Variants in SP4 observed in about 807,000 individuals in gnomAD.
SP4 encodes Sp4 transcription factor.
SP4 carries 19 observed loss-of-function variants against 72.8 expected under a neutral mutation model. That is an observed-to-expected ratio of 0.26 (90% CI 0.18 to 0.38). SP4 has a LOEUF of 0.38. Ranked by LOEUF, SP4 falls within the 10% of genes least tolerant of loss-of-function variation. The pLI is 1.00. For synonymous variants in SP4, 395 were observed against 333.1 expected, an observed-to-expected ratio of 1.19 and a Z score of -2.02; for missense variants, 1,008 against 926.3, an observed-to-expected ratio of 1.09 and a Z score of -1.14.
At chr7:21,441,829 T>C (rs1191473377) in intron 3 of SP4, among the ~76,000 whole-genome samples, 1 of 152,124 alleles carries the variant, frequency 6.6e-6, no homozygotes, top group African/African-American at 2.4e-5. Context: ...TGGTTTGTTC[T>C]TTTCCCCTGC....
At chr7:21,460,942 A>G (rs1441238679) in intron 3 of SP4, among the ~76,000 whole-genome samples, 3 of 152,006 alleles carry the variant, frequency 2.0e-5, no homozygotes, top group Middle Eastern at 3.4e-3. Context: ...AGATTCTCCA[A>G]GTCCCCACCA....
At chr7:21,435,681 A>G (rs988957597) in intron 3 of SP4, among the ~76,000 whole-genome samples, 6 of 152,150 alleles carry the variant, frequency 3.9e-5, no homozygotes, top group African/African-American at 1.4e-4. Flanking sequence ...AAAATCTTCT[A>G]ATACTGTTTG....
intron 5 of SP4, among the ~76,000 whole-genome samples, chr7:21,502,049 C>A (rs562719623): frequency 2.5e-5 from 3 of 118,220 alleles, no homozygotes; most frequent in Non-Finnish European, 3.6e-5. Flanking sequence ...CACCCCCCCC[C>A]CCCCGGAACT....
chr7:21,428,192 C>CCT lies in SP4; in HGVS notation c.-59_-58insTC. On this transcript the variant is annotated 5_prime_UTR_variant, in exon 1 of 6. Coordinates refer to ENST00000222584, the MANE Select transcript of SP4 (RefSeq NM_003112.5). ...ACCGGCCTCTCCTCCCGCCTCGCCCCCACCCCCACCCACCTCTATCCCAGT... is the reference window on the plus strand; with the variant it reads ...ACCGGCCTCTCCTCCCGCCTCGCCCCCTCACCCCCACCCACCTCTATCCCAGT... 1 of 790,568 alleles carries CCT rather than the reference C, an allele frequency of 1.3e-6. No homozygotes were observed. The allele number at this position is 790,568 out of a possible 1,614,324, so 49.0% of individuals were successfully genotyped here.
chr7:21,474,101 G>C (rs1413666719), intron 3 of SP4, among the ~76,000 whole-genome samples: 1 of 152,174 alleles, frequency 6.6e-6, no homozygotes, highest in East Asian at 1.9e-4. Flanking sequence ...CAATATGGAG[G>C]CTTGAGGAGT....
chr7:21,482,635 A>T, intron 5 of SP4: 1 of 984,278 alleles, frequency 1.0e-6, no homozygotes, highest in Non-Finnish European at 1.2e-6. Context: ...AGTGAACATC[A>T]TGTTTACCCT....
intron 3 of SP4, among the ~76,000 whole-genome samples, chr7:21,459,024 C>G (rs937550964): frequency 1.3e-5 from 2 of 152,156 alleles, no homozygotes; most frequent in African/African-American, 4.8e-5. Flanking sequence ...GCATACTGTA[C>G]CCTCTTAGCA....
At chr7:21,448,673 A>G (rs1783497804) in intron 3 of SP4, among the ~76,000 whole-genome samples, 1 of 152,218 alleles carries the variant, frequency 6.6e-6, no homozygotes, top group Non-Finnish European at 1.5e-5. Context: ...AATATGTGTG[A>G]CAATGTATTG....
intron 4 of SP4, among the ~76,000 whole-genome samples, chr7:21,480,598 A>T (rs891483464): frequency 6.6e-6 from 1 of 152,180 alleles, no homozygotes; most frequent in South Asian, 2.1e-4. Context: ...TTCTGATTCT[A>T]ATAATTTGAG....
intron 5 of SP4, among the ~76,000 whole-genome samples, chr7:21,491,344 C>T (rs900484315): frequency 2.6e-5 from 4 of 151,896 alleles, no homozygotes; most frequent in Non-Finnish European, 5.9e-5. Flanking sequence ...GAAGATAGAC[C>T]ACTGGAAATT....
chr7:21,497,820 G>GC (rs1390490940), intron 5 of SP4, among the ~76,000 whole-genome samples: 1 of 152,126 alleles, frequency 6.6e-6, no homozygotes, highest in Admixed American at 6.5e-5. Context: ...TAACCAAAGA[G>GC]CTTCTATATT....
chr7:21,429,487 ACTC>A lies in SP4; in HGVS notation c.328_330del (p.Pro110del), dbSNP rs758579105. The A allele has an allele frequency of 1.5e-4, 236 of 1,613,878 alleles. No homozygotes were observed. The highest frequency in any genetic ancestry group is 9.8e-4 in the South Asian group (89 of 91,080). ...AAACGCTTGGCAACTTGTTGCCTCC[ACTC>A]CTCCTGCTTCAAAAGAGAATAACGT... On this transcript the variant is annotated inframe_deletion, in exon 3 of 6. Transcript: ENST00000222584.
intron 5 of SP4, among the ~76,000 whole-genome samples, chr7:21,492,415 C>T (rs1407238743): frequency 6.6e-6 from 1 of 152,124 alleles, no homozygotes; most frequent in East Asian, 1.9e-4. Flanking sequence ...ACTTTTTCAG[C>T]ACCAGCAGGA....
intron 5 of SP4, among the ~76,000 whole-genome samples, chr7:21,497,129 A>G (rs1412588994): frequency 1.3e-5 from 2 of 152,250 alleles, no homozygotes; most frequent in Non-Finnish European, 2.9e-5. Context: ...ATTGTTTTAG[A>G]CAAACACATG....
intron 3 of SP4, among the ~76,000 whole-genome samples, chr7:21,467,277 T>C (rs1784195203): frequency 6.6e-6 from 1 of 152,142 alleles, no homozygotes; most frequent in Non-Finnish European, 1.5e-5. Flanking sequence ...AACCACTGGC[T>C]TAAAGGTACT....
intron 5 of SP4, among the ~76,000 whole-genome samples, chr7:21,487,691 G>A: frequency 6.8e-6 from 1 of 147,054 alleles, no homozygotes. Context: ...TCTTTTTCCA[G>A]TGTTGTAGGC....
chr7:21,441,680 G>C (rs940480032), intron 3 of SP4, among the ~76,000 whole-genome samples: 27 of 152,162 alleles, frequency 1.8e-4, no homozygotes, highest in African/African-American at 5.8e-4. Context: ...ATTTAGTTAT[G>C]AATTCACAGT....
intron 3 of SP4, among the ~76,000 whole-genome samples, chr7:21,443,497 T>C (rs1200694507): frequency 6.7e-6 from 1 of 149,126 alleles, no homozygotes; most frequent in Non-Finnish European, 1.5e-5. Flanking sequence ...CCCTCTGATA[T>C]TATTATGTAG....
chr7:21,461,461 C>G (rs1158902927), intron 3 of SP4, among the ~76,000 whole-genome samples: 2 of 152,216 alleles, frequency 1.3e-5, no homozygotes, highest in African/African-American at 2.4e-5. Context: ...GGCGCATCCT[C>G]CGCAGCTGCT....
Sources: gnomAD v4.1 joint callset for allele counts (sites outside exome capture counted in the v4.1 genomes callset) on GRCh38, gnomAD v4.1.1 for gene constraint, MANE v1.5 for transcripts, NCBI Gene and HGNC (gene_info 2026-07-23, HGNC 2026-07-21) for gene names.